The following TNFAIP8 variants were observed in gnomAD, a reference collection of about 807,000 sequenced individuals.
TNFAIP8 encodes the protein tumor necrosis factor alpha-induced protein 8.
In TNFAIP8, 7 loss-of-function variants were observed where a neutral mutation model predicts 13.3. The ratio of observed to expected loss-of-function variants is 0.52; its 90% CI spans 0.30 to 0.99. The LOEUF (loss-of-function observed/expected upper bound fraction) is 0.99. TNFAIP8 is among the 50% of genes least tolerant of loss of function. The pLI is 0.07. For synonymous variants in TNFAIP8, 94 were observed against 87.6 expected (o/e 1.07, Z -0.41); for missense variants, 258 against 236.9 (o/e 1.09, Z -0.58).
At chr5:119,381,409 G>A (rs1022343145) in intron 1 of TNFAIP8, among the ~76,000 whole-genome samples, 1 of 152,118 alleles carries the variant, frequency 6.6e-6, no homozygotes, top group Admixed American at 6.6e-5. Context: ...GCCAAGCATG[G>A]TGGTGTGCCT....
At chr5:119,352,847 G>T (rs1751221701), upstream of TNFAIP8, among the ~76,000 whole-genome samples, 1 of 151,646 alleles carries the variant, frequency 6.6e-6, no homozygotes, top group Admixed American at 6.6e-5. Flanking sequence ...GAGTTCTTTA[G>T]GTCTGTGGTC....
chr5:119,279,183 TAAG>T (rs1439068428), intron 1 of TNFAIP8, among the ~76,000 whole-genome samples: 1 of 152,186 alleles, frequency 6.6e-6, no homozygotes, highest in Non-Finnish European at 1.5e-5. Context: ...AATTGAGGCT[TAAG>T]GAGGTTAAGT....
chr5:119,320,392 C>T (rs1750019090), intron 1 of TNFAIP8, among the ~76,000 whole-genome samples: 1 of 152,112 alleles, frequency 6.6e-6, no homozygotes, highest in East Asian at 1.9e-4. Context: ...TATCACCCTT[C>T]TTAAAAAACA....
chr5:119,270,296 C>G (rs1160572020), intron 1 of TNFAIP8, among the ~76,000 whole-genome samples: 1 of 152,240 alleles, frequency 6.6e-6, no homozygotes, highest in Non-Finnish European at 1.5e-5. Flanking sequence ...AAACATTATA[C>G]TTTGCAGTGT....
At chr5:119,314,797 G>A (rs1015955153) in intron 1 of TNFAIP8, among the ~76,000 whole-genome samples, 1 of 152,200 alleles carries the variant, frequency 6.6e-6, no homozygotes, top group Non-Finnish European at 1.5e-5. Flanking sequence ...AATAGGACCT[G>A]CTTTTCAGTG....
At position 119,308,932 on chromosome 5, in the gene TNFAIP8, A is replaced by G. The variant is rs1236681923; in HGVS notation, c.1+40025A>G. ...GAGCCAGCGTGCTCCTTGTTGCTCC[A>G]TTTGACTCATGCTCTCTCCAGTTAT... On this transcript the variant is annotated intron_variant, in intron 1 of 1. Transcript: ENST00000274456. Among the ~76,000 whole-genome samples, 4 of 152,050 alleles carry G rather than the reference A, an allele frequency of 2.6e-5. No homozygotes were observed. The South Asian group carries it at 8.3e-4, about 32-fold the overall frequency.
intron 1 of TNFAIP8, among the ~76,000 whole-genome samples, chr5:119,364,841 G>GT (rs10714712): frequency 0.019 from 1,690 of 88,664 alleles, 150 homozygotes; most frequent in African/African-American, 0.025. Context: ...TTTCTTTTCA[G>GT]TTTTTTTTTT....
chr5:119,306,660 G>A (rs1749576849), intron 1 of TNFAIP8: 1 of 142,914 alleles, frequency 7.0e-6, no homozygotes, highest in Admixed American at 6.7e-5. Context: ...TATGAAATAT[G>A]TTTTTTAATG....
chr5:119,355,656 TAC>T (rs1432326326), upstream of TNFAIP8: 1 of 431,286 alleles, frequency 2.3e-6, no homozygotes, highest in African/African-American at 2.1e-5. Context: ...TATGTAAAAC[TAC>T]AGTGTGCTCT....
chr5:119,318,935 A>G (rs1368693374), intron 1 of TNFAIP8, among the ~76,000 whole-genome samples: 1 of 152,186 alleles, frequency 6.6e-6, no homozygotes, highest in Non-Finnish European at 1.5e-5. Context: ...ATGTTTTAAA[A>G]TAAGACTAGA....
At chr5:119,318,695 T>G (rs1284747348) in intron 1 of TNFAIP8, among the ~76,000 whole-genome samples, 1 of 123,630 alleles carries the variant, frequency 8.1e-6, no homozygotes, top group Non-Finnish European at 1.6e-5. Context: ...CCCTCCCCTC[T>G]CCTGTCCCTC....
At chr5:119,330,294 T>C (rs1029113932) in intron 1 of TNFAIP8, among the ~76,000 whole-genome samples, 22 of 152,220 alleles carry the variant, frequency 1.4e-4, no homozygotes, top group African/African-American at 5.1e-4. Context: ...TTTGTAGACA[T>C]TTCCAGTTCT....
At chr5:119,332,828 G>A (rs1750426011) in intron 1 of TNFAIP8, among the ~76,000 whole-genome samples, 1 of 152,170 alleles carries the variant, frequency 6.6e-6, no homozygotes, top group African/African-American at 2.4e-5. Flanking sequence ...ATAAATGCAT[G>A]TATGTGTATG....
chr5:119,325,202 C>T lies in TNFAIP8; in HGVS notation c.1+56295C>T, dbSNP rs1011343071. Among the ~76,000 whole-genome samples the T allele has an allele frequency of 9.8e-5, 15 of 152,326 alleles. No homozygotes were observed. In the East Asian group the frequency reaches 1.2e-3, roughly 12 times the overall value. On this transcript the variant is annotated intron_variant, in intron 1 of 1. Coordinates refer to the TNFAIP8 transcript ENST00000274456. The stretch of plus-strand genomic sequence containing the variant: ...ATATGGGGTCATTGTCATAACCCCG[C>T]GCAGTTTCCTTGCACTTGTCCACAC...
At chr5:119,279,500 C>A (rs761238743) in intron 1 of TNFAIP8, among the ~76,000 whole-genome samples, 3 of 152,154 alleles carry the variant, frequency 2.0e-5, no homozygotes, top group Non-Finnish European at 4.4e-5. Flanking sequence ...TGTGAGAACC[C>A]AATGCCCGAC....
intron 1 of TNFAIP8, among the ~76,000 whole-genome samples, chr5:119,376,644 A>C (rs578251789): frequency 1.3e-4 from 20 of 149,120 alleles, no homozygotes; most frequent in Non-Finnish European, 2.7e-4. Flanking sequence ...TTAATTGGTC[A>C]TTTATTGCAA....
chr5:119,320,728 G>T (rs1750029332), intron 1 of TNFAIP8, among the ~76,000 whole-genome samples: 2 of 139,570 alleles, frequency 1.4e-5, no homozygotes, highest in Non-Finnish European at 3.0e-5. Context: ...TCCCTTTGAA[G>T]CACTGTCCTG....
At chr5:119,272,342 T>G (rs1354519339) in intron 1 of TNFAIP8, among the ~76,000 whole-genome samples, 1 of 152,234 alleles carries the variant, frequency 6.6e-6, no homozygotes, top group Non-Finnish European at 1.5e-5. Context: ...CAGCACACCC[T>G]TCTCATGTTT....
intron 1 of TNFAIP8, among the ~76,000 whole-genome samples, chr5:119,319,770 C>T (rs574487844): frequency 6.6e-5 from 10 of 152,144 alleles, no homozygotes; most frequent in Non-Finnish European, 1.3e-4. Flanking sequence ...GGATTTGTAG[C>T]CCATGTCTAG....
Sources: gnomAD v4.1 joint callset for allele counts (sites outside exome capture counted in the v4.1 genomes callset) on GRCh38, gnomAD v4.1.1 for gene constraint, MANE v1.5 for transcripts, NCBI Gene and HGNC (gene_info 2026-07-23, HGNC 2026-07-21) for gene names.